COMMD10: variants seen among roughly 807,000 people sequenced by gnomAD.
The protein encoded by COMMD10 is COMM domain containing 10, also known as COMM domain-containing protein 10.
A neutral mutation model predicts 28.9 loss-of-function variants in COMMD10; 33 were observed. That is an observed-to-expected ratio of 1.14 (90% CI 0.87 to 1.53). The LOEUF (loss-of-function observed/expected upper bound fraction) is 1.53. Among genes scored for constraint, COMMD10 ranks in the 40% most tolerant of loss-of-function variants. COMMD10 has a pLI of 0.00. For synonymous variants in COMMD10, 110 were observed against 81.7 expected (o/e 1.35, Z -1.87); for missense variants, 310 against 233.4 (o/e 1.33, Z -2.14).
chr5:116,249,771 T>G (rs1363736509), intron 5 of COMMD10, among the ~76,000 whole-genome samples: 1 of 151,966 alleles, frequency 6.6e-6, no homozygotes, highest in Non-Finnish European at 1.5e-5. Flanking sequence ...TAAGTTGCCT[T>G]TATATGGCTT....
At chr5:116,233,979 A>T (rs1749595767) in intron 5 of COMMD10, among the ~76,000 whole-genome samples, 1 of 152,232 alleles carries the variant, frequency 6.6e-6, no homozygotes, top group South Asian at 2.1e-4. Flanking sequence ...TTACATTAAC[A>T]GAAGAGGTAA....
At chr5:116,283,007 TAGAGA>T (rs1751114992) in intron 5 of COMMD10, among the ~76,000 whole-genome samples, 1 of 151,954 alleles carries the variant, frequency 6.6e-6, no homozygotes, top group Non-Finnish European at 1.5e-5. Context: ...CAAGTTAGAT[TAGAGA>T]AGATTCTGTA....
At chr5:116,290,990 C>T (rs564699447) in intron 5 of COMMD10, among the ~76,000 whole-genome samples, 1 of 152,208 alleles carries the variant, frequency 6.6e-6, no homozygotes, top group East Asian at 1.9e-4. Flanking sequence ...GACTTTGAAA[C>T]TGTTGTGTTA....
At chr5:116,118,857 C>T (rs1193130541) in intron 4 of COMMD10, among the ~76,000 whole-genome samples, 1 of 152,164 alleles carries the variant, frequency 6.6e-6, no homozygotes, top group Non-Finnish European at 1.5e-5. Flanking sequence ...GAATGTATTT[C>T]TCCACTGCAT....
intron 5 of COMMD10, among the ~76,000 whole-genome samples, chr5:116,262,448 C>T (rs953384169): frequency 6.6e-6 from 1 of 151,658 alleles, no homozygotes; most frequent in Non-Finnish European, 1.5e-5. Flanking sequence ...TTTTATCCAT[C>T]ATTCTTCAGT....
At chr5:116,189,457 C>T (rs1312285470) in intron 5 of COMMD10, among the ~76,000 whole-genome samples, 1 of 152,098 alleles carries the variant, frequency 6.6e-6, no homozygotes, top group Non-Finnish European at 1.5e-5. Context: ...GCAGTTCTGG[C>T]TTCCTAACCT....
At chr5:116,258,336 T>C (rs1750347385) in intron 5 of COMMD10, among the ~76,000 whole-genome samples, 1 of 151,812 alleles carries the variant, frequency 6.6e-6, no homozygotes, top group Non-Finnish European at 1.5e-5. Flanking sequence ...CTTTTGTATT[T>C]TAATTTTAGA....
At position 116,291,505 on chromosome 5, in the gene COMMD10, T is replaced by G; in HGVS notation, c.511-12T>G. The G allele has an allele frequency of 1.3e-6, 2 of 1,588,178 alleles. No individual in the cohort carries two copies. Among genetic ancestry groups the G allele is most frequent in the South Asian group, 2.3e-5 (2 of 87,148 alleles). On this transcript the variant is annotated splice_polypyrimidine_tract_variant and intron_variant, in intron 5 of 6. Coordinates refer to ENST00000274458, the MANE Select transcript of COMMD10 (RefSeq NM_016144.4). ...GCAACTACATTCTTTTTGTTGTTTT[T>G]CTTCCTTACAGAGCCTGGAGAAAGT...
chr5:116,100,436 TTA>T (rs142110770), intron 4 of COMMD10, among the ~76,000 whole-genome samples: 16,268 of 151,932 alleles, frequency 0.11, 957 homozygotes, highest in African/African-American at 0.15. Context: ...TCTAGAAATT[TTA>T]TAGTCTCAGA....
At chr5:116,147,390 A>C (rs779542970) in intron 5 of COMMD10, among the ~76,000 whole-genome samples, 1 of 151,946 alleles carries the variant, frequency 6.6e-6, no homozygotes, top group Non-Finnish European at 1.5e-5. Flanking sequence ...TAGGATTAAT[A>C]TAATCGAATT....
chr5:116,290,689 C>G (rs879840269), intron 5 of COMMD10, among the ~76,000 whole-genome samples: 41 of 151,820 alleles, frequency 2.7e-4, no homozygotes, highest in Non-Finnish European at 5.9e-4. Flanking sequence ...GCAGTGTGAT[C>G]AGAGCAGTTA....
At position 116,292,022 on chromosome 5, in the gene COMMD10, T is replaced by C. The variant is rs367897623; in HGVS notation, c.571-429T>C. On this transcript the variant is annotated intron_variant, in intron 6 of 6. Coordinates refer to ENST00000274458, the MANE Select transcript of COMMD10 (RefSeq NM_016144.4). ...CCCTCCACCCCCCAACTTTAAAATA[T>C]TATCAAGTAGGCAGTTCTTCTGCCA... Among the ~76,000 whole-genome samples, 8 of 152,084 alleles carry C rather than the reference T, an allele frequency of 5.3e-5. No homozygotes were observed. The South Asian group carries it at 1.2e-3, about 24-fold the overall frequency.
At chr5:116,169,882 A>G (rs140331065) in intron 5 of COMMD10, among the ~76,000 whole-genome samples, 16,118 of 152,212 alleles carry the variant, frequency 0.11, 956 homozygotes, top group African/African-American at 0.15. Context: ...AGCCAATATC[A>G]TACTGAATGG....
At chr5:116,218,117 G>C in intron 5 of COMMD10, 1 of 1,297,852 alleles carries the variant, frequency 7.7e-7, no homozygotes, top group East Asian at 2.3e-5. Context: ...GCCAGCATCA[G>C]CTTTTCCCTT....
intron 5 of COMMD10, among the ~76,000 whole-genome samples, chr5:116,236,698 G>A (rs12523347): frequency 1.3e-5 from 2 of 151,918 alleles, no homozygotes; most frequent in East Asian, 3.9e-4. Context: ...GAGATGAGTA[G>A]ATGGAACACA....
intron 5 of COMMD10, chr5:116,218,342 G>A: frequency 1.5e-6 from 1 of 649,776 alleles, no homozygotes; most frequent in Non-Finnish European, 2.9e-6. Context: ...GGCGTAGGAT[G>A]CAGAGGCATG....
At chr5:116,209,759 G>A (rs1322526859) in intron 5 of COMMD10, among the ~76,000 whole-genome samples, 1 of 152,002 alleles carries the variant, frequency 6.6e-6, no homozygotes, top group African/African-American at 2.4e-5. Context: ...ATATGTTTTT[G>A]TATATATTTA....
At chr5:116,290,055 C>A (rs1038468768) in intron 5 of COMMD10, among the ~76,000 whole-genome samples, 2 of 151,892 alleles carry the variant, frequency 1.3e-5, no homozygotes, top group African/African-American at 4.9e-5. Flanking sequence ...TGACTGCCAC[C>A]TTTAGGGGTA....
intron 5 of COMMD10, among the ~76,000 whole-genome samples, chr5:116,227,134 A>C (rs1749413765): frequency 2.0e-5 from 3 of 152,018 alleles, no homozygotes; most frequent in Admixed American, 2.0e-4. Flanking sequence ...CCTTGCCATA[A>C]ATTAAGTTGA....
Sources: allele counts gnomAD v4.1 joint callset (sites outside exome capture counted in the v4.1 genomes callset), GRCh38; gene constraint gnomAD v4.1.1; transcripts MANE v1.5; gene names NCBI Gene and HGNC (gene_info 2026-07-23, HGNC 2026-07-21).